Variants in SH2D4B observed in about 807,000 individuals in gnomAD.
The protein encoded by SH2D4B is SH2 domain-containing protein 4B.
In SH2D4B, 45 loss-of-function variants were observed where a neutral mutation model predicts 61.5. The ratio of observed to expected loss-of-function variants is 0.73; its 90% CI spans 0.58 to 0.94. The LOEUF (loss-of-function observed/expected upper bound fraction) is 0.94, where lower values mean the gene tolerates loss of function less well. Among genes scored for constraint, SH2D4B ranks in the 40% least tolerant of loss-of-function variants. The pLI, the probability that SH2D4B is intolerant of heterozygous loss-of-function variation, is 0.00. For missense variants in SH2D4B, 572 were observed against 574.2 expected (o/e 1.00, Z 0.04); for synonymous variants, 224 against 220.4 (o/e 1.02, Z -0.14).
At chr10:80,636,946 A>T (rs866684770) in intron 7 of SH2D4B, among the ~76,000 whole-genome samples, 63 of 152,308 alleles carry the variant, frequency 4.1e-4, no homozygotes, top group Admixed American at 1.9e-3. Context: ...TCTTTAATCC[A>T]TCTTGAATTA....
intron 1 of SH2D4B, among the ~76,000 whole-genome samples, chr10:80,554,732 G>A (rs1039823452): frequency 2.2e-4 from 34 of 152,116 alleles, no homozygotes; most frequent in African/African-American, 8.2e-4. Flanking sequence ...TAAAATGGCT[G>A]GGCGCGGTGG....
intron 1 of SH2D4B, among the ~76,000 whole-genome samples, chr10:80,542,580 G>C (rs1421458668): frequency 1.3e-5 from 2 of 151,704 alleles, no homozygotes; most frequent in African/African-American, 4.8e-5. Flanking sequence ...GTATTTAATA[G>C]AGACATGGTT....
chr10:80,617,131 C>T (rs557543338), intron 6 of SH2D4B, among the ~76,000 whole-genome samples: 63 of 152,350 alleles, frequency 4.1e-4, no homozygotes, highest in Admixed American at 8.5e-4. Flanking sequence ...AGCCTTGCTG[C>T]CATCTCACAG....
At chr10:80,543,497 T>G (rs1025872934) in intron 1 of SH2D4B, among the ~76,000 whole-genome samples, 3 of 152,198 alleles carry the variant, frequency 2.0e-5, no homozygotes, top group Non-Finnish European at 4.4e-5. Context: ...GCCTACCCCC[T>G]GCCTCCGTGG....
At chr10:80,634,225 C>T (rs866283049) in intron 6 of SH2D4B, 60 bp from the exon 7 acceptor site, 16 of 1,471,214 alleles carry the variant, frequency 1.1e-5, no homozygotes, top group East Asian at 2.5e-5. Flanking sequence ...AGTGGAGAAT[C>T]GTGGGGGAGG....
At chr10:80,614,537 A>G (rs563222478) in intron 6 of SH2D4B, among the ~76,000 whole-genome samples, 1 of 152,334 alleles carries the variant, frequency 6.6e-6, no homozygotes, top group Non-Finnish European at 1.5e-5. Flanking sequence ...CTGGGGATGG[A>G]TGGGGATTCT....
At chr10:80,635,466 G>A (rs1015209960) in intron 7 of SH2D4B, among the ~76,000 whole-genome samples, 7 of 152,182 alleles carry the variant, frequency 4.6e-5, no homozygotes, top group Non-Finnish European at 8.8e-5. Context: ...GGACTCTTAG[G>A]TTTGTATTGC....
chr10:80,573,352 C>G, intron 3 of SH2D4B, among the ~76,000 whole-genome samples: 1 of 151,192 alleles, frequency 6.6e-6, no homozygotes, highest in East Asian at 1.9e-4. Context: ...TTCAGATGTA[C>G]ATAGGATTAA....
intron 4 of SH2D4B, among the ~76,000 whole-genome samples, chr10:80,591,132 G>A (rs938230712): frequency 1.3e-5 from 2 of 151,728 alleles, no homozygotes; most frequent in Non-Finnish European, 1.5e-5. Flanking sequence ...ATTGTTGTTT[G>A]TCCACTTAAC....
At chr10:80,587,867 G>T (rs928983551) in intron 3 of SH2D4B, among the ~76,000 whole-genome samples, 1 of 152,104 alleles carries the variant, frequency 6.6e-6, no homozygotes, top group African/African-American at 2.4e-5. Flanking sequence ...TTCTGTGTAG[G>T]TTCACTTACT....
intron 6 of SH2D4B, among the ~76,000 whole-genome samples, chr10:80,627,519 C>T (rs1842777991): frequency 6.6e-6 from 1 of 152,066 alleles, no homozygotes; most frequent in African/African-American, 2.4e-5. Flanking sequence ...GTCTAAACAT[C>T]ACTTCCGCCG....
At chr10:80,564,037 A>T (rs953014834) in intron 1 of SH2D4B, among the ~76,000 whole-genome samples, 1 of 152,194 alleles carries the variant, frequency 6.6e-6, no homozygotes, top group Non-Finnish European at 1.5e-5. Flanking sequence ...ACTTTTATTA[A>T]TAGTTGTGAT....
At chr10:80,624,081 G>A (rs558841892) in intron 6 of SH2D4B, among the ~76,000 whole-genome samples, 10 of 152,160 alleles carry the variant, frequency 6.6e-5, no homozygotes, top group East Asian at 1.9e-4. Flanking sequence ...CTACCTGTGC[G>A]CTCCAAATCC....
intron 6 of SH2D4B, among the ~76,000 whole-genome samples, chr10:80,613,918 G>A (rs910453522): frequency 6.6e-6 from 1 of 152,184 alleles, no homozygotes; most frequent in Non-Finnish European, 1.5e-5. Flanking sequence ...CTGTTTGGAT[G>A]ACAGCACACA....
chr10:80,541,040 C>T (rs1274911034), intron 1 of SH2D4B: 17 of 814,764 alleles, frequency 2.1e-5, no homozygotes, highest in Admixed American at 4.0e-5. Context: ...TAGTGAGAAG[C>T]GAAAGTACAC....
At chr10:80,573,515 G>A (rs1474896236) in intron 3 of SH2D4B, among the ~76,000 whole-genome samples, 35 of 152,142 alleles carry the variant, frequency 2.3e-4, no homozygotes, top group Non-Finnish European at 7.4e-5. Context: ...TTTGGAGGGT[G>A]ATGTAATAGA....
chr10:80,589,944 G>A (rs1269373835), intron 4 of SH2D4B, among the ~76,000 whole-genome samples: 2 of 152,278 alleles, frequency 1.3e-5, no homozygotes, highest in East Asian at 1.9e-4. Context: ...TTGGAGGGTG[G>A]TGCTTCCCTA....
rs188290378 is a variant in SH2D4B, at chr10:80,571,551, G to A, written c.468G>A (p.Leu156=). 14 of 1,614,022 alleles carry A rather than the reference G, an allele frequency of 8.7e-6. No individual in the cohort carries two copies. In the Admixed American group the frequency reaches 2.0e-4, roughly 23 times the overall value. Reference sequence around the variant, plus strand: ...AAGACCGCAAGGCTGCCAAAGTCCTGGAGGAACGCATCCACGAGGAATTCA... The same window carrying A: ...AAGACCGCAAGGCTGCCAAAGTCCTAGAGGAACGCATCCACGAGGAATTCA... The part of the protein sequence containing the change: ...EMEDRKAAKV[L]EERIHEEFKR... Residue 156 remains leucine (L), a synonymous_variant, in exon 3 of 8, where the codon CTG becomes CTA. Transcript: ENST00000646907.
At position 80,624,671 on chromosome 10, in the gene SH2D4B, G is replaced by A. The variant is rs145403236; in HGVS notation, c.989-9614G>A. Among the ~76,000 whole-genome samples, 838 of 152,214 alleles carry A rather than the reference G, an allele frequency of 5.5e-3. 5 individuals carry two copies. The highest frequency in any genetic ancestry group is 0.019 in the African/African-American group (786 of 41,528). On this transcript the variant is annotated intron_variant, in intron 6 of 7. Coordinates refer to ENST00000646907, the MANE Select transcript of SH2D4B (RefSeq NM_001388272.1). ...TAACCCAGATGAATTAACCAAACTC[G>A]CTCTAAGTGGGACCTGGGCATCAGC...
Sources: gnomAD v4.1 joint callset for allele counts (sites outside exome capture counted in the v4.1 genomes callset) on GRCh38, gnomAD v4.1.1 for gene constraint, MANE v1.5 for transcripts, NCBI Gene and HGNC (gene_info 2026-07-23, HGNC 2026-07-21) for gene names.